LRRC4C: variants seen among roughly 807,000 people sequenced by gnomAD.
LRRC4C encodes the protein leucine-rich repeat-containing protein 4C.
A neutral mutation model predicts 33.6 loss-of-function variants in LRRC4C; 5 were observed. That is an observed-to-expected ratio of 0.15 (90% confidence interval 0.08 to 0.31). The LOEUF (loss-of-function observed/expected upper bound fraction) is 0.31. Ranked by LOEUF, LRRC4C falls within the 10% of genes least tolerant of loss-of-function variation. The pLI, the probability that LRRC4C is intolerant of heterozygous loss-of-function variation, is 1.00. For missense variants in LRRC4C, 560 were observed against 796.7 expected (o/e 0.70, Z 3.58); for synonymous variants, 329 against 302.0 (o/e 1.09, Z -0.93).
chr11:40,864,920 C>T (rs1954279560), intron 2 of LRRC4C, among the ~76,000 whole-genome samples: 1 of 152,134 alleles, frequency 6.6e-6, no homozygotes, highest in Non-Finnish European at 1.5e-5. Context: ...ACTGTTTAAG[C>T]TAGCATCTGG....
At chr11:41,198,155 A>G (rs1427386796) in intron 1 of LRRC4C, among the ~76,000 whole-genome samples, 1 of 152,032 alleles carries the variant, frequency 6.6e-6, no homozygotes, top group African/African-American at 2.4e-5. Context: ...CTATGGATAA[A>G]TCTATAGATT....
chr11:40,482,123 T>C (rs1385471976), intron 3 of LRRC4C, among the ~76,000 whole-genome samples: 1 of 152,200 alleles, frequency 6.6e-6, no homozygotes, highest in East Asian at 1.9e-4. Flanking sequence ...GTAACAATCA[T>C]ATAGATCTTT....
intron 3 of LRRC4C, among the ~76,000 whole-genome samples, chr11:40,524,782 T>G (rs1190356813): frequency 6.6e-6 from 1 of 152,194 alleles, no homozygotes; most frequent in African/African-American, 2.4e-5. Flanking sequence ...TGCTAGGCCT[T>G]TAAGACAGTA....
rs147917954 is a variant in LRRC4C, at chr11:40,631,031, A to C, written c.-270+17111T>G. ...TAAAAAATCAAAGTTAGCCCTTTTA[A>C]AAGGAGAGAAAGAAACTTACTGCTT... On this transcript the variant is annotated intron_variant, in intron 3 of 6. Coordinates refer to ENST00000528697, the MANE Select transcript of LRRC4C (RefSeq NM_001258419.2). Among the ~76,000 whole-genome samples the C allele has an allele frequency of 1.5e-3, 221 of 152,304 alleles. 1 individual carries two copies. The highest frequency in any genetic ancestry group is 5.2e-3 in the African/African-American group (215 of 41,560).
intron 2 of LRRC4C, among the ~76,000 whole-genome samples, chr11:40,838,357 T>C (rs1240431792): frequency 6.6e-6 from 1 of 152,214 alleles, no homozygotes; most frequent in Non-Finnish European, 1.5e-5. Context: ...GAAAATGTTT[T>C]GTCTCTCAGA....
intron 5 of LRRC4C, among the ~76,000 whole-genome samples, chr11:40,151,737 T>C (rs1252777902): frequency 6.6e-6 from 1 of 152,104 alleles, no homozygotes; most frequent in Non-Finnish European, 1.5e-5. Flanking sequence ...GCCTATACTT[T>C]TGGATTCTGG....
At chr11:41,199,405 A>G (rs1946315088) in intron 1 of LRRC4C, among the ~76,000 whole-genome samples, 1 of 152,066 alleles carries the variant, frequency 6.6e-6, no homozygotes, top group Admixed American at 6.6e-5. Context: ...GAAAAAACTA[A>G]CAGTTTTCTG....
chr11:41,235,867 C>T (rs75818946), intron 1 of LRRC4C, among the ~76,000 whole-genome samples: 3,633 of 152,150 alleles, frequency 0.024, 152 homozygotes, highest in African/African-American at 0.082. Context: ...GCCTCCTTGA[C>T]AGCTGAATGA....
chr11:40,834,330 G>A (rs1050749944), intron 2 of LRRC4C, among the ~76,000 whole-genome samples: 1 of 151,986 alleles, frequency 6.6e-6, no homozygotes, highest in African/African-American at 2.4e-5. Context: ...AATTAGGCAG[G>A]CATGGTGGTA....
At chr11:40,968,081 A>G (rs1690550464) in intron 1 of LRRC4C, among the ~76,000 whole-genome samples, 1 of 152,082 alleles carries the variant, frequency 6.6e-6, no homozygotes, top group Admixed American at 6.6e-5. Context: ...GAAGGAAATT[A>G]AAAGTGCCAC....
At chr11:41,125,475 C>A (rs1171712626) in intron 1 of LRRC4C, among the ~76,000 whole-genome samples, 9 of 151,658 alleles carry the variant, frequency 5.9e-5, no homozygotes. Flanking sequence ...AACAAATAAA[C>A]TAAATTTGTA....
chr11:41,290,796 T>A (rs1377848005), intron 1 of LRRC4C, among the ~76,000 whole-genome samples: 1 of 152,054 alleles, frequency 6.6e-6, no homozygotes, highest in Non-Finnish European at 1.5e-5. Flanking sequence ...TGGAGAGAGA[T>A]TAAAACAAAC....
At chr11:40,931,802 A>C (rs1957639263) in intron 2 of LRRC4C, among the ~76,000 whole-genome samples, 1 of 152,132 alleles carries the variant, frequency 6.6e-6, no homozygotes. Flanking sequence ...AATGATTTTG[A>C]AATGGTTTGT....
intron 3 of LRRC4C, among the ~76,000 whole-genome samples, chr11:40,417,310 G>T (rs1294380654): frequency 6.9e-6 from 1 of 145,330 alleles, no homozygotes; most frequent in Admixed American, 7.0e-5. Flanking sequence ...CATAAAATAT[G>T]AGAGACATGA....
At chr11:41,214,260 G>A (rs1451337660) in intron 1 of LRRC4C, among the ~76,000 whole-genome samples, 1 of 152,056 alleles carries the variant, frequency 6.6e-6, no homozygotes, top group Non-Finnish European at 1.5e-5. Flanking sequence ...CAAGTGAGAA[G>A]AAAATAACCT....
intron 5 of LRRC4C, among the ~76,000 whole-genome samples, chr11:40,197,301 T>A (rs1862341245): frequency 6.6e-6 from 1 of 152,088 alleles, no homozygotes; most frequent in Non-Finnish European, 1.5e-5. Flanking sequence ...CCCATGGGAG[T>A]TTATAATTAA....
chr11:40,472,444 G>A (rs1168455054), intron 3 of LRRC4C, among the ~76,000 whole-genome samples: 1 of 75,618 alleles, frequency 1.3e-5, no homozygotes, highest in Non-Finnish European at 2.8e-5. Flanking sequence ...CAGAATCTCT[G>A]GGACACAGCT....
chr11:40,653,887 T>G (rs1397847300), intron 2 of LRRC4C, among the ~76,000 whole-genome samples: 1 of 152,162 alleles, frequency 6.6e-6, no homozygotes, highest in Non-Finnish European at 1.5e-5. Flanking sequence ...ACCTTGCTGT[T>G]TTTTGCAGCC....
chr11:40,636,034 A>C (rs1963931682), intron 3 of LRRC4C, among the ~76,000 whole-genome samples: 1 of 152,182 alleles, frequency 6.6e-6, no homozygotes, highest in Non-Finnish European at 1.5e-5. Flanking sequence ...AAAGGAGGGC[A>C]CGATCTCATG....
Sources: allele counts gnomAD v4.1 joint callset (sites outside exome capture counted in the v4.1 genomes callset), GRCh38; gene constraint gnomAD v4.1.1; transcripts MANE v1.5; gene names NCBI Gene and HGNC (gene_info 2026-07-23, HGNC 2026-07-21).